FNIP1: variants seen among roughly 807,000 people sequenced by gnomAD.
FNIP1 encodes the protein folliculin interacting protein 1.
In FNIP1, 40 loss-of-function variants were observed where a neutral mutation model predicts 124.5. The ratio of observed to expected loss-of-function variants is 0.32; its 90% CI spans 0.25 to 0.42. The LOEUF (loss-of-function observed/expected upper bound fraction) is 0.42, where lower values mean the gene tolerates loss of function less well. FNIP1 is among the 10% of genes least tolerant of loss of function. The pLI, the probability that FNIP1 is intolerant of heterozygous loss-of-function variation, is 1.00. For missense variants in FNIP1, 1,176 were observed against 1,403.7 expected (o/e 0.84, Z 2.59); for synonymous variants, 472 against 470.6 (o/e 1.00, Z -0.04).
At chr5:131,653,162 C>T (rs558481891) in intron 15 of FNIP1, among the ~76,000 whole-genome samples, 23 of 151,960 alleles carry the variant, frequency 1.5e-4, no homozygotes, top group South Asian at 6.2e-4. Context: ...GACATCTGTC[C>T]AGAGTATGAA....
At chr5:131,720,255 T>C (rs953757560) in intron 3 of FNIP1, among the ~76,000 whole-genome samples, 2 of 152,196 alleles carry the variant, frequency 1.3e-5, no homozygotes, top group African/African-American at 2.4e-5. Flanking sequence ...GGGGACAGGA[T>C]AGTCTCCTTA....
chr5:131,692,111 T>C (rs1231131981), intron 11 of FNIP1, among the ~76,000 whole-genome samples: 3 of 152,102 alleles, frequency 2.0e-5, no homozygotes, highest in Non-Finnish European at 4.4e-5. Flanking sequence ...CAGTCTTTAT[T>C]TGTGGAAGAC....
rs1476571091 is a variant in FNIP1 at position 131,785,133 on chromosome 5, CT to C, written c.92+11696del. On this transcript the variant is annotated intron_variant, in intron 1 of 17. Coordinates refer to ENST00000510461, the MANE Select transcript of FNIP1 (RefSeq NM_133372.3). The stretch of plus-strand genomic sequence containing the variant: ...TATATCATATATATGATATATATGA[CT>C]ATATATATAGTCATATATATGATAT... Among the ~76,000 whole-genome samples, 20 of 20,096 alleles carry C rather than the reference CT, an allele frequency of 1.0e-3. 1 individual carries two copies. Among genetic ancestry groups the C allele is most frequent in the Admixed American group, 1.7e-3 (3 of 1,768 alleles). 13.2% of individuals were successfully genotyped at this position (20,096 alleles called of 152,430 possible). A position where few individuals can be genotyped will look rare whatever the true frequency, so the allele number is the denominator to read the frequency against.
chr5:131,722,515 A>G (rs972891100), intron 3 of FNIP1, among the ~76,000 whole-genome samples: 1 of 152,142 alleles, frequency 6.6e-6, no homozygotes, highest in African/African-American at 2.4e-5. Context: ...ACAGCTGCAC[A>G]CTGTTTTTCG....
At chr5:131,651,698 A>T in intron 16 of FNIP1, 104 bp downstream of exon 16, 1 of 1,034,544 alleles carries the variant, frequency 9.7e-7, no homozygotes, top group Non-Finnish European at 1.4e-6. Flanking sequence ...GAGTTCGGGT[A>T]ATGACACAAA....
At chr5:131,673,905 G>A (rs564372883) in intron 13 of FNIP1, among the ~76,000 whole-genome samples, 1 of 152,032 alleles carries the variant, frequency 6.6e-6, no homozygotes, top group South Asian at 2.1e-4. Flanking sequence ...GTGGTGTCGT[G>A]GGCACCTGTA....
At chr5:131,690,395 C>T (rs185559264) in intron 11 of FNIP1, among the ~76,000 whole-genome samples, 23 of 152,286 alleles carry the variant, frequency 1.5e-4, no homozygotes, top group South Asian at 4.2e-4. Context: ...ATAATCCCCA[C>T]ATGTCAAGGG....
At chr5:131,739,420 G>A (rs1770430726) in intron 2 of FNIP1, among the ~76,000 whole-genome samples, 1 of 152,164 alleles carries the variant, frequency 6.6e-6, no homozygotes, top group Admixed American at 6.5e-5. Context: ...CACCATTTAA[G>A]ATGATGCCTT....
chr5:131,718,395 T>C (rs1769541819), intron 5 of FNIP1, among the ~76,000 whole-genome samples: 1 of 152,176 alleles, frequency 6.6e-6, no homozygotes, highest in Non-Finnish European at 1.5e-5. Flanking sequence ...CAATGAGTCT[T>C]GCTCTGATAT....
chr5:131,771,825 A>C (rs1771643940), intron 1 of FNIP1, among the ~76,000 whole-genome samples: 1 of 151,984 alleles, frequency 6.6e-6, no homozygotes, highest in South Asian at 2.1e-4. Context: ...TCCCTTCTAA[A>C]CCAAACATGA....
intron 1 of FNIP1, among the ~76,000 whole-genome samples, chr5:131,770,808 G>C (rs892792073): frequency 1.3e-5 from 2 of 152,134 alleles, no homozygotes; most frequent in African/African-American, 4.8e-5. Flanking sequence ...TGATTATCAC[G>C]TGAAGAAAAG....
chr5:131,689,036 A>G (rs1254936585), intron 11 of FNIP1, among the ~76,000 whole-genome samples: 1 of 152,034 alleles, frequency 6.6e-6, no homozygotes, highest in East Asian at 1.9e-4. Flanking sequence ...TCCTATATAT[A>G]TCATACTGAA....
intron 8 of FNIP1, among the ~76,000 whole-genome samples, chr5:131,706,965 C>T (rs904792503): frequency 6.6e-6 from 1 of 152,182 alleles, no homozygotes; most frequent in Non-Finnish European, 1.5e-5. Flanking sequence ...GTCTGAATGG[C>T]ATTTAAAGAG....
intron 1 of FNIP1, among the ~76,000 whole-genome samples, chr5:131,775,478 T>A (rs1771770246): frequency 6.7e-6 from 1 of 149,110 alleles, no homozygotes; most frequent in African/African-American, 2.4e-5. Context: ...AATAATTCCA[T>A]ATTGAATTTA....
chr5:131,769,198 T>C (rs909536406), intron 1 of FNIP1, among the ~76,000 whole-genome samples: 10 of 152,162 alleles, frequency 6.6e-5, no homozygotes, highest in African/African-American at 2.4e-4. Flanking sequence ...AGGACTAACA[T>C]ACTGTACAGT....
intron 1 of FNIP1, 64 bp from the exon 2 acceptor site, chr5:131,744,754 C>A (rs1770619400): frequency 7.5e-7 from 1 of 1,332,046 alleles, no homozygotes; most frequent in Non-Finnish European, 9.9e-7. Context: ...ATTCCATATA[C>A]ATTATTAGAA....
At position 131,728,506 on chromosome 5, in the gene FNIP1, C is replaced by T. The variant is rs939457858; in HGVS notation, c.354+2398G>A. On this transcript the variant is annotated intron_variant, in intron 3 of 17. Transcript: ENST00000510461. ...GCTTGCGTATGCTTCATGAAGTTCT[C>T]GTACTGTGTTTTTCAGCTCCATCAG... Among the ~76,000 whole-genome samples the T allele has an allele frequency of 3.9e-5, 6 of 152,100 alleles. 1 individual carries two copies. Among genetic ancestry groups the T allele is most frequent in the South Asian group, 4.1e-4 (2 of 4,822 alleles).
At chr5:131,656,849 T>C (rs1040377556) in intron 15 of FNIP1, among the ~76,000 whole-genome samples, 2 of 151,732 alleles carry the variant, frequency 1.3e-5, no homozygotes, top group Non-Finnish European at 2.9e-5. Context: ...ACTCCACTGT[T>C]TTGTGTAAAT....
intron 15 of FNIP1, among the ~76,000 whole-genome samples, chr5:131,662,854 C>G (rs967265157): frequency 1.3e-5 from 2 of 151,644 alleles, no homozygotes; most frequent in Non-Finnish European, 2.9e-5. Flanking sequence ...GTTCTCCTGC[C>G]TCAGCCTCCT....
Sources: gnomAD v4.1 joint callset for allele counts (sites outside exome capture counted in the v4.1 genomes callset) on GRCh38, gnomAD v4.1.1 for gene constraint, MANE v1.5 for transcripts, NCBI Gene and HGNC (gene_info 2026-07-23, HGNC 2026-07-21) for gene names.